Variants in CSTA observed in about 807,000 individuals in gnomAD.
CSTA encodes cystatin-A.
A neutral mutation model predicts 9.2 loss-of-function variants in CSTA; 9 were observed. That is an observed-to-expected ratio of 0.97 (90% CI 0.59 to 1.70). The LOEUF (loss-of-function observed/expected upper bound fraction) is 1.70, where lower values mean the gene tolerates loss of function less well. Among genes scored for constraint, CSTA ranks in the 40% most tolerant of loss-of-function variants. CSTA has a pLI of 0.00. For missense variants in CSTA, 118 were observed against 113.1 expected (o/e 1.04, Z -0.20); for synonymous variants, 36 against 40.6 (o/e 0.89, Z 0.43).
rs750800626 is a variant in CSTA at position 122,325,264 on chromosome 3, C to G, written c.-29C>G. 1.9e-6 allele frequency: 3 copies of G among 1,611,812 alleles called. No homozygotes were observed. The African/African-American group carries it at 4.0e-5, about 22-fold the overall frequency. ...TCCCTGTTCACTTTGGTTCCAGCAT[C>G]CTGTCCAGCAAAGAAGCAATCAGCC... On this transcript the variant is annotated 5_prime_UTR_variant, in exon 1 of 3. In the 5' UTR this introduces an upstream ATG that the reference lacks. Transcript: ENST00000264474.
chr3:122,335,958 TACAC>T (rs55707796), intron 1 of CSTA, among the ~76,000 whole-genome samples: 1,894 of 147,616 alleles, frequency 0.013, 15 homozygotes, highest in African/African-American at 0.022. Flanking sequence ...ATCAGAGGAA[TACAC>T]ACACACACAC....
At chr3:122,326,665 A>G (rs2075172148) in intron 1 of CSTA, among the ~76,000 whole-genome samples, 1 of 152,204 alleles carries the variant, frequency 6.6e-6, no homozygotes, top group African/African-American at 2.4e-5. Context: ...TTTTAAATAA[A>G]TATCTTGGAG....
intron 2 of CSTA, 144 bp downstream of exon 2, chr3:122,337,792 C>T (rs2075243875): frequency 6.9e-6 from 5 of 721,832 alleles, no homozygotes; most frequent in Non-Finnish European, 1.3e-5. Context: ...AAGTGGTGGA[C>T]TCTCAAATTT....
chr3:122,333,540 G>GAAGAAAGAAAGAAAGAAAGAAGAAAGA (rs2075216557), intron 1 of CSTA, among the ~76,000 whole-genome samples: 1 of 112,078 alleles, frequency 8.9e-6, no homozygotes, highest in Non-Finnish European at 1.8e-5. Context: ...AGAAAAGAAA[G>GAAGAAAGAAAGAAAGAAAGAAGAAAGA]AAGAAAGAAA....
chr3:122,337,935 C>A, intron 2 of CSTA: 1 of 388,840 alleles, frequency 2.6e-6, no homozygotes, highest in Admixed American at 4.1e-5. Context: ...GGCTGTGCTG[C>A]TGCTTAGGTA....
intron 1 of CSTA, among the ~76,000 whole-genome samples, chr3:122,325,719 G>A (rs1373629619): frequency 6.6e-6 from 1 of 152,204 alleles, no homozygotes. Flanking sequence ...TGTAATTGAA[G>A]TCTAAGGTTA....
intron 1 of CSTA, among the ~76,000 whole-genome samples, chr3:122,332,522 T>C (rs931852983): frequency 1.3e-5 from 2 of 152,214 alleles, no homozygotes; most frequent in African/African-American, 4.8e-5. Flanking sequence ...ATTGTTTCTG[T>C]AGAATGACTA....
chr3:122,341,132 G>A (rs904467908), intron 2 of CSTA, among the ~76,000 whole-genome samples: 12 of 151,822 alleles, frequency 7.9e-5, no homozygotes, highest in African/African-American at 1.9e-4. Flanking sequence ...TAGTAGAGAC[G>A]GGATTTCACC....
At chr3:122,330,995 T>C (rs907110179) in intron 1 of CSTA, among the ~76,000 whole-genome samples, 9 of 152,078 alleles carry the variant, frequency 5.9e-5, no homozygotes, top group African/African-American at 2.2e-4. Context: ...AATATGTTAA[T>C]AAGCATTTTG....
Position 122,337,866 on chromosome 3 carries a change from G to A in CSTA, c.168+218G>A, listed in dbSNP as rs572769406. On this transcript the variant is annotated intron_variant, in intron 2 of 2. Transcript: ENST00000264474. The stretch of plus-strand genomic sequence containing the variant: ...AGAAAGTTTTATTACATTGATTCTT[G>A]ATTTCTGGAAATTGTATAGAAAAAG... The A allele has an allele frequency of 1.1e-5, 6 of 545,656 alleles. No individual in the cohort carries two copies. The East Asian group carries it at 1.9e-4, about 18-fold the overall frequency. The allele number at this position is 545,656 out of a possible 1,614,324, so 33.8% of individuals were successfully genotyped here.
chr3:122,331,305 G>A (rs138860031), intron 1 of CSTA, among the ~76,000 whole-genome samples: 1 of 152,166 alleles, frequency 6.6e-6, no homozygotes, highest in Non-Finnish European at 1.5e-5. Flanking sequence ...CCACAAATTT[G>A]CATTCCCCTC....
At chr3:122,340,108 C>T (rs914060624) in intron 2 of CSTA, among the ~76,000 whole-genome samples, 1 of 152,098 alleles carries the variant, frequency 6.6e-6, no homozygotes, top group Non-Finnish European at 1.5e-5. Flanking sequence ...TGATATATGG[C>T]ATTTGTTAAA....
intron 1 of CSTA, among the ~76,000 whole-genome samples, chr3:122,327,913 C>CT (rs1299370516): frequency 6.6e-6 from 1 of 152,114 alleles, no homozygotes; most frequent in Non-Finnish European, 1.5e-5. Flanking sequence ...ACCAGAAGGC[C>CT]TTGCATTGCT....
At chr3:122,341,085 G>A (rs2075263017) in intron 2 of CSTA, among the ~76,000 whole-genome samples, 1 of 151,902 alleles carries the variant, frequency 6.6e-6, no homozygotes, top group South Asian at 2.1e-4. Context: ...GGGATTACAG[G>A]CATGCACCAC....
intron 1 of CSTA, among the ~76,000 whole-genome samples, chr3:122,327,129 T>A (rs1265817837): frequency 3.3e-5 from 5 of 151,514 alleles, no homozygotes; most frequent in Non-Finnish European, 7.4e-5. Context: ...TCCCAACTAC[T>A]CAGGAGGCTG....
intron 1 of CSTA, among the ~76,000 whole-genome samples, chr3:122,329,087 C>T (rs915579383): frequency 2.0e-5 from 3 of 151,476 alleles, no homozygotes; most frequent in South Asian, 2.1e-4. Flanking sequence ...TGCCTCAGCC[C>T]CCCGAGTAGG....
intron 2 of CSTA, among the ~76,000 whole-genome samples, chr3:122,340,378 C>T (rs1438733764): frequency 6.6e-6 from 1 of 152,064 alleles, no homozygotes; most frequent in East Asian, 1.9e-4. Context: ...AATCTCGGCT[C>T]TCTGCGACCT....
chr3:122,331,536 C>T (rs1203036850), intron 1 of CSTA, among the ~76,000 whole-genome samples: 1 of 152,160 alleles, frequency 6.6e-6, no homozygotes, highest in Admixed American at 6.5e-5. Context: ...GAGCTCCTGA[C>T]ATTCTAATTC....
chr3:122,333,505 C>T (rs2075215790), intron 1 of CSTA, among the ~76,000 whole-genome samples: 1 of 116,686 alleles, frequency 8.6e-6, no homozygotes, highest in African/African-American at 3.0e-5. Context: ...AGCAAGACTC[C>T]ATGAAAGAGA....
Sources: gnomAD v4.1 joint callset for allele counts (sites outside exome capture counted in the v4.1 genomes callset) on GRCh38, gnomAD v4.1.1 for gene constraint, MANE v1.5 for transcripts, NCBI Gene and HGNC (gene_info 2026-07-23, HGNC 2026-07-21) for gene names.